Variants in DOCK4 observed in about 807,000 individuals in gnomAD.
DOCK4 encodes dedicator of cytokinesis protein 4.
Under a neutral mutation model 268.1 loss-of-function variants are expected in DOCK4, and 97 were observed. The ratio of observed to expected loss-of-function variants is 0.36; its 90% CI spans 0.31 to 0.43. DOCK4 has a LOEUF of 0.43. Among genes scored for constraint, DOCK4 ranks in the 20% least tolerant of loss-of-function variants. DOCK4 has a pLI of 1.00. For synonymous variants in DOCK4, 954 were observed against 887.2 expected, an observed-to-expected ratio of 1.08 and a Z score of -1.34; for missense variants, 2,145 against 2,455.7, an observed-to-expected ratio of 0.87 and a Z score of 2.67.
intron 21 of DOCK4, among the ~76,000 whole-genome samples, chr7:111,868,815 C>A (rs993173734): frequency 6.6e-6 from 1 of 152,112 alleles, no homozygotes; most frequent in African/African-American, 2.4e-5. Flanking sequence ...AAAAAGATAA[C>A]TGTTTTTTAA....
At chr7:111,843,583 G>T (rs1001244814) in intron 25 of DOCK4, among the ~76,000 whole-genome samples, 1 of 152,168 alleles carries the variant, frequency 6.6e-6, no homozygotes, top group Non-Finnish European at 1.5e-5. Context: ...AAATGATGAT[G>T]AGAGTATTGA....
rs112902920 is a variant in DOCK4, at chr7:112,030,446, C to T, written c.38-26315G>A. On this transcript the variant is annotated intron_variant, in intron 1 of 52. Coordinates refer to ENST00000428084, the MANE Select transcript of DOCK4 (RefSeq NM_001363540.2). ...GTATTTCTAAACCACAATGAAACTA[C>T]AAAAATCATGAAACAGGAGCAAGGT... Among the ~76,000 whole-genome samples the T allele has an allele frequency of 3.6e-3, 541 of 152,290 alleles. 5 individuals carry two copies. The highest frequency in any genetic ancestry group is 0.012 in the African/African-American group (517 of 41,568).
chr7:111,874,967 G>A (rs1235255337), intron 17 of DOCK4, among the ~76,000 whole-genome samples: 7 of 152,118 alleles, frequency 4.6e-5, no homozygotes, highest in South Asian at 4.1e-4. Context: ...TATTTTCCAC[G>A]TCAAGAAAAA....
intron 42 of DOCK4, among the ~76,000 whole-genome samples, chr7:111,753,129 A>G (rs1002126831): frequency 2.6e-5 from 4 of 151,892 alleles, no homozygotes; most frequent in African/African-American, 9.7e-5. Context: ...CATATATGGT[A>G]TATTATGTAA....
chr7:111,974,059 GA>G (rs1022482535), intron 8 of DOCK4, among the ~76,000 whole-genome samples: 5 of 151,852 alleles, frequency 3.3e-5, no homozygotes, highest in African/African-American at 1.2e-4. Flanking sequence ...CAAGATGAAA[GA>G]AAAAAATAGA....
At chr7:111,815,716 G>A (rs1801495840) in intron 27 of DOCK4, among the ~76,000 whole-genome samples, 1 of 131,426 alleles carries the variant, frequency 7.6e-6, no homozygotes, top group African/African-American at 2.8e-5. Flanking sequence ...CTGTCACCCA[G>A]GCTGGAGTGC....
chr7:112,175,598 TA>T (rs1221663998), intron 1 of DOCK4, among the ~76,000 whole-genome samples: 21 of 144,650 alleles, frequency 1.5e-4, no homozygotes, highest in Non-Finnish European at 2.2e-4. Flanking sequence ...AAAACTCTCA[TA>T]TTTTTTTTCA....
chr7:111,969,522 A>T (rs1797530549), intron 8 of DOCK4, among the ~76,000 whole-genome samples: 1 of 152,002 alleles, frequency 6.6e-6, no homozygotes. Flanking sequence ...AACTGTCTAG[A>T]GACTAAGTGT....
intron 1 of DOCK4, among the ~76,000 whole-genome samples, chr7:112,043,502 T>C (rs1325859836): frequency 6.6e-6 from 1 of 150,454 alleles, no homozygotes; most frequent in Non-Finnish European, 1.5e-5. Flanking sequence ...AAATCTCTAT[T>C]AAAAAGACAT....
At chr7:112,085,051 T>C (rs546922180) in intron 1 of DOCK4, among the ~76,000 whole-genome samples, 1 of 152,250 alleles carries the variant, frequency 6.6e-6, no homozygotes, top group East Asian at 1.9e-4. Flanking sequence ...TATCCCATTC[T>C]ATGAGAAAAT....
intron 12 of DOCK4, among the ~76,000 whole-genome samples, chr7:111,922,843 A>T (rs1040164884): frequency 2.0e-5 from 3 of 151,678 alleles, no homozygotes; most frequent in African/African-American, 7.3e-5. Context: ...AGCCTCCCAT[A>T]TTGCTGGGAT....
In DOCK4 at chr7:111,863,362, C is replaced by T. The variant is rs200334462; in HGVS notation, c.2473+10G>A. On this transcript the variant is annotated intron_variant, in intron 23 of 52. Coordinates refer to ENST00000428084, the MANE Select transcript of DOCK4 (RefSeq NM_001363540.2). The stretch of plus-strand genomic sequence containing the variant: ...CAGAGGCACAATTTCCTCCAAGAGA[C>T]TCACCCTACCTGGGTTGGTATAAAG... The T allele has an allele frequency of 2.8e-4, 454 of 1,613,850 alleles. No individual in the cohort carries two copies. The highest frequency in any genetic ancestry group is 2.0e-3 in the Middle Eastern group (12 of 6,082).
intron 23 of DOCK4, among the ~76,000 whole-genome samples, chr7:111,855,335 T>C (rs766834224): frequency 1.6e-4 from 24 of 151,026 alleles, no homozygotes; most frequent in Non-Finnish European, 3.0e-4. Context: ...GCAGTGGGGG[T>C]GTGGAGAAGC....
At chr7:111,794,554 AGAG>A (rs1799761706) in intron 30 of DOCK4, among the ~76,000 whole-genome samples, 1 of 152,182 alleles carries the variant, frequency 6.6e-6, no homozygotes, top group African/African-American at 2.4e-5. Flanking sequence ...GGGAAATGAT[AGAG>A]AAGAGAAGGC....
At chr7:111,822,870 T>C (rs1258499599) in intron 26 of DOCK4, among the ~76,000 whole-genome samples, 1 of 152,190 alleles carries the variant, frequency 6.6e-6, no homozygotes, top group East Asian at 1.9e-4. Flanking sequence ...TTTAAGAGGG[T>C]GTCAAATTTT....
intron 1 of DOCK4, among the ~76,000 whole-genome samples, chr7:112,158,191 C>T (rs1816791773): frequency 6.6e-6 from 1 of 152,112 alleles, no homozygotes; most frequent in African/African-American, 2.4e-5. Context: ...TGTGCTGATG[C>T]TTCTGGTCTT....
chr7:111,848,863 G>T (rs1447124873), intron 23 of DOCK4, among the ~76,000 whole-genome samples: 2 of 152,150 alleles, frequency 1.3e-5, no homozygotes, highest in Non-Finnish European at 2.9e-5. Flanking sequence ...CCACCTCTTA[G>T]ATGGAAAGGT....
intron 1 of DOCK4, among the ~76,000 whole-genome samples, chr7:112,109,138 G>A (rs1485586272): frequency 2.6e-5 from 4 of 152,156 alleles, no homozygotes; most frequent in Non-Finnish European, 5.9e-5. Flanking sequence ...CAGCCACATG[G>A]TGCCAAGCCA....
intron 23 of DOCK4, among the ~76,000 whole-genome samples, chr7:111,851,195 A>T (rs892616058): frequency 5.3e-5 from 8 of 152,184 alleles, no homozygotes; most frequent in African/African-American, 1.7e-4. Context: ...CTGTAATCCC[A>T]GCACTTTGGG....
Sources: gnomAD v4.1 joint callset for allele counts (sites outside exome capture counted in the v4.1 genomes callset) on GRCh38, gnomAD v4.1.1 for gene constraint, MANE v1.5 for transcripts, NCBI Gene and HGNC (gene_info 2026-07-23, HGNC 2026-07-21) for gene names.